Variants in HOOK2 observed in about 807,000 individuals in gnomAD.
HOOK2 encodes the protein hook microtubule tethering protein 2, also known as protein Hook homolog 2.
Under a neutral mutation model 111.9 loss-of-function variants are expected in HOOK2, and 108 were observed. The observed-to-expected ratio is 0.96, with a 90% CI of 0.83 to 1.13. The LOEUF (loss-of-function observed/expected upper bound fraction) is 1.13, where lower values mean the gene tolerates loss of function less well. Among genes scored for constraint, HOOK2 ranks in the 50% most tolerant of loss-of-function variants. The pLI is 0.00. For synonymous variants in HOOK2, 405 were observed against 394.3 expected, an observed-to-expected ratio of 1.03 and a Z score of -0.32; for missense variants, 978 against 951.3, an observed-to-expected ratio of 1.03 and a Z score of -0.37.
At chr19:12,785,512 A>G (rs906327921) in intron 3 of HOOK2, among the ~76,000 whole-genome samples, 2 of 152,084 alleles carry the variant, frequency 1.3e-5, no homozygotes, top group Admixed American at 6.6e-5. Flanking sequence ...CAAGTTAGCC[A>G]TAGGAACTTT....
rs759233398 is a variant in HOOK2 at position 12,768,105 on chromosome 19, G to A, written c.1123C>T (p.Gln375Ter). 3.7e-6 allele frequency: 6 copies of A among 1,614,168 alleles called. No individual in the cohort carries two copies. The highest frequency in any genetic ancestry group is 1.3e-5 in the African/African-American group (1 of 75,072). Residue 375 changes from glutamine (Q) to a stop codon, truncating the protein, a stop_gained, in exon 12 of 23, where the codon CAG (glutamine) becomes TAG (stop). Transcript: ENST00000397668. LOFTEE classifies it high-confidence loss of function. The part of the protein sequence containing the change: ...QRRQVQELQG[Q>*]RQEEAMKAEK... Reference sequence around the variant, plus strand: ...GCCTTCATGGCCTCCTCCTGCCGCTGGCCCTGCAGTTCCTGCACCTGAACA... The same window carrying A: ...GCCTTCATGGCCTCCTCCTGCCGCTAGCCCTGCAGTTCCTGCACCTGAACA...
chr19:12,772,561 G>A lies in HOOK2; in HGVS notation c.456+52C>T. 3.8e-6 allele frequency: 6 copies of A among 1,587,334 alleles called. No homozygotes were observed. The South Asian group carries it at 6.7e-5, about 18-fold the overall frequency. On this transcript the variant is annotated intron_variant, in intron 6 of 22. Transcript: ENST00000397668. ...TGTGCCCAGTTCTCTCTGCCCTAGAGATGTCCCCTCTCCTGACATTTTCCA... is the reference window on the plus strand; with the variant it reads ...TGTGCCCAGTTCTCTCTGCCCTAGAAATGTCCCCTCTCCTGACATTTTCCA...
At chr19:12,773,516 G>A (rs1440857109) in intron 3 of HOOK2, among the ~76,000 whole-genome samples, 3 of 151,882 alleles carry the variant, frequency 2.0e-5, no homozygotes, top group African/African-American at 7.3e-5. Flanking sequence ...AAAATTGCTG[G>A]GATTACAGGC....
upstream of HOOK2, among the ~76,000 whole-genome samples, chr19:12,780,327 C>T (rs79612084): frequency 2.6e-3 from 393 of 152,174 alleles, 2 homozygotes; most frequent in African/African-American, 9.2e-3. Context: ...TATGGGACCT[C>T]ACTTTGGGTC....
At position 12,769,889 on chromosome 19, in the gene HOOK2, G is replaced by T. The variant is rs114441181; in HGVS notation, c.1096C>A (p.Arg366=). 3,328 of 1,465,336 alleles carry T rather than the reference G, an allele frequency of 2.3e-3. 71 individuals are homozygous for T. In the African/African-American group the frequency reaches 0.043, roughly 19 times the overall value. 90.8% of individuals were successfully genotyped at this position (1,465,336 alleles called of 1,614,324 possible). ...GSLRAQLEAQ[R]RQVQELQGQR... ...CCCCGCCCCCGCCGCACCTGCCGCC[G>T]CTGCGCCTCCAGCTGGGCGCGCAGG... is the stretch of plus-strand genomic sequence containing the variant. The change falls in exon 11 of 23, where the codon CGG becomes AGG. Residue 366 remains arginine (R), a synonymous_variant. Transcript: ENST00000397668.
chr19:12,774,690 T>C lies in HOOK2; in HGVS notation c.183A>G (p.Pro61=). Residue 61 remains proline, a synonymous_variant, in exon 3 of 23, where the codon CCA becomes CCG. Coordinates refer to ENST00000397668, the MANE Select transcript of HOOK2 (RefSeq NM_013312.3). The part of the protein sequence containing the change: ...EAWLQGISED[P]GPNWKLKVSN... The stretch of plus-strand genomic sequence containing the variant: ...TCACCTTCAGCTTCCAGTTGGGACC[T>C]GGATCTTCCGAGATGCCCTGGAGCC... 1.9e-6 allele frequency: 3 copies of C among 1,614,144 alleles called. No homozygotes were observed. The highest frequency in any genetic ancestry group is 2.5e-6 in the Non-Finnish European group (3 of 1,180,006).
chr19:12,763,545 T>A lies in HOOK2; in HGVS notation c.1993A>T (p.Ser665Cys), dbSNP rs1222806191. Residue 665 changes from serine to cysteine, a missense_variant, in exon 22 of 23, where the codon AGT becomes TGT. By Grantham distance (112) the Ser-to-Cys change is moderately radical. Coordinates refer to ENST00000397668, the MANE Select transcript of HOOK2 (RefSeq NM_013312.3). ...QREQEEKLLI[S>C]AWYNMGMALQ... ...ACACTTACCATATTATACCAGGCACTGATGAGCAGCTTTTCTTCCTGCTCC... is the reference window on the plus strand; with the variant it reads ...ACACTTACCATATTATACCAGGCACAGATGAGCAGCTTTTCTTCCTGCTCC... 1 of 1,614,238 alleles carries A rather than the reference T, an allele frequency of 6.2e-7. No individual in the cohort carries two copies. Among genetic ancestry groups the A allele is most frequent in the Non-Finnish European group, 8.5e-7 (1 of 1,180,042 alleles).
rs1968107496 is a variant in HOOK2, at chr19:12,765,025, T to G, written c.1697A>C (p.Glu566Ala). 13 of 1,614,028 alleles carry G rather than the reference T, an allele frequency of 8.1e-6. No homozygotes were observed. Among genetic ancestry groups the G allele is most frequent in the Non-Finnish European group, 1.1e-5 (13 of 1,180,024 alleles). Residue 566 changes from glutamate to alanine, a missense_variant, in exon 19 of 23, where the codon GAG becomes GCG. By Grantham distance (107) the Glu-to-Ala change is moderately radical. Around this residue, in one of 5 missense-constraint regions of HOOK2, gnomAD observed 277 missense variants for 265.8 expected, o/e 1.04. Transcript: ENST00000397668. Reference protein sequence around the residue: ...ELQRKREYIEELEPPTDSSTA... With the variant: ...ELQRKREYIEALEPPTDSSTA... ...GCTGCTGTCAGTGGGTGGCTCCAGC[T>G]CCTCAATGTACTCCCGCTTCCTCTG...
At position 12,791,774 on chromosome 19, in the gene HOOK2, G is replaced by A. The variant is rs750284652; in HGVS notation, n.42-17549C>T. The A allele has an allele frequency of 1.2e-6, 2 of 1,602,916 alleles. No individual in the cohort carries two copies. The highest frequency in any genetic ancestry group is 1.7e-6 in the Non-Finnish European group (2 of 1,172,330). ...CCCAGACCGCCTGGGCCGCCCGGAT[G>A]TGCACTAAAATGGAACAGCCCTTCT... On this transcript the variant is annotated intron_variant and non_coding_transcript_variant, in intron 3 of 3. Transcript: ENST00000589765. The surrounding 1 kb of genome is among the most constrained non-coding windows in gnomAD (Gnocchi z 7.0).
chr19:12,791,957 C>A lies in HOOK2; in HGVS notation n.42-17732G>T. The A allele has an allele frequency of 1.2e-6, 2 of 1,610,806 alleles. No homozygotes were observed. The highest frequency in any genetic ancestry group is 1.7e-6 in the Non-Finnish European group (2 of 1,179,236). On this transcript the variant is annotated intron_variant and non_coding_transcript_variant, in intron 3 of 3. Transcript: ENST00000589765. The surrounding 1 kb of genome is among the most constrained non-coding windows in gnomAD (Gnocchi z 7.0). ...GGGCTCGCGGACCCGGCCCAGAGGG[C>A]GGCGGTGGCGGCAGCTACTTTTCTG...
At chr19:12,780,420 G>A (rs1246306888), upstream of HOOK2, among the ~76,000 whole-genome samples, 2 of 151,446 alleles carry the variant, frequency 1.3e-5, no homozygotes, top group Non-Finnish European at 1.5e-5. Context: ...GCAGTGGAGC[G>A]ATCTCGGTTC....
upstream of HOOK2, among the ~76,000 whole-genome samples, chr19:12,777,925 A>G (rs1968558372): frequency 6.6e-6 from 1 of 152,248 alleles, no homozygotes; most frequent in African/African-American, 2.4e-5. Context: ...TTAAATACAT[A>G]GACTATTGAA....
upstream of HOOK2, among the ~76,000 whole-genome samples, chr19:12,777,586 T>A (rs1479067198): frequency 6.6e-6 from 1 of 152,208 alleles, no homozygotes; most frequent in African/African-American, 2.4e-5. Flanking sequence ...TAGACACACA[T>A]GTCCTGGCTG....
chr19:12,767,596 C>A, intron 13 of HOOK2, 132 bp from the exon 14 acceptor site: 1 of 906,516 alleles, frequency 1.1e-6, no homozygotes. Context: ...GCTCCATCCC[C>A]GGCTTGATAG....
At position 12,775,402 on chromosome 19, in the gene HOOK2, T is replaced by C; in HGVS notation, c.45+3A>G. 6.2e-7 allele frequency: 1 copy of C among 1,611,762 alleles called. No individual in the cohort carries two copies. Among genetic ancestry groups the C allele is most frequent in the Non-Finnish European group, 8.5e-7 (1 of 1,179,256 alleles). On this transcript the variant is annotated splice_donor_region_variant and intron_variant, in intron 1 of 22. Coordinates refer to ENST00000397668, the MANE Select transcript of HOOK2 (RefSeq NM_013312.3). Reference sequence around the variant, plus strand: ...CTTCCCCTAGCCCCGCCCCACGACCTACCCAGGTGAGCAGAGACCCGCATA... The same window carrying C: ...CTTCCCCTAGCCCCGCCCCACGACCCACCCAGGTGAGCAGAGACCCGCATA...
upstream of HOOK2, among the ~76,000 whole-genome samples, chr19:12,781,038 C>T (rs1457600468): frequency 3.5e-5 from 5 of 143,758 alleles, no homozygotes; most frequent in Non-Finnish European, 7.6e-5. Context: ...CGCGGTGGCT[C>T]ACGCAGGTAA....
At position 12,765,080 on chromosome 19, in the gene HOOK2, G is replaced by C. The variant is rs753774177; in HGVS notation, c.1642C>G (p.Gln548Glu). ...LLKRKLEEHL[Q>E]KLHEADLELQ... ...TCCAGATCTGCCTCATGAAGCTTCT[G>C]CCTGTGGGCCGGGGATGAGCAGCAG... Residue 548 changes from glutamine to glutamate, a missense_variant and splice_region_variant, in exon 19 of 23, where the codon CAG becomes GAG. Transcript: ENST00000397668. The C allele has an allele frequency of 6.2e-7, 1 of 1,614,110 alleles. No homozygotes were observed. Among genetic ancestry groups the C allele is most frequent in the Non-Finnish European group, 8.5e-7 (1 of 1,180,012 alleles).
Position 12,768,069 on chromosome 19 carries a change from G to C in HOOK2, c.1159C>G (p.Leu387Val). Residue 387 changes from leucine (L) to valine (V), a missense_variant, in exon 12 of 23, where the codon CTA becomes GTA. Physicochemically the swap from Leu to Val is conservative, Grantham distance 32 (BLOSUM62 1). Around this residue, in one of 5 missense-constraint regions of HOOK2, gnomAD observed 388 missense variants for 358.3 expected, o/e 1.08. Transcript: ENST00000397668. ...TCCTCCAGGTTGCGGCATTCAAATA[G>C]CCATTTCTCGGCCTTCATGGCCTCC... ...QEEAMKAEKW[L>V]FECRNLEEKY... 6.2e-7 allele frequency: 1 copy of C among 1,614,238 alleles called. No homozygotes were observed. Among genetic ancestry groups the C allele is most frequent in the East Asian group, 2.2e-5 (1 of 44,880 alleles).
In HOOK2 at chr19:12,763,138, C is replaced by CAACCA; in HGVS notation, c.*143_*144insTGGTT. The stretch of plus-strand genomic sequence containing the variant: ...GGCCTATATCTACCTCCCGCCCTCC[C>CAACCA]TCCCCACCAATCTGGGAGAGGGAAG... On this transcript the variant is annotated 3_prime_UTR_variant, in exon 23 of 23. Coordinates refer to ENST00000397668, the MANE Select transcript of HOOK2 (RefSeq NM_013312.3). The CAACCA allele has an allele frequency of 6.0e-6, 4 of 670,146 alleles. No homozygotes were observed. Among genetic ancestry groups the CAACCA allele is most frequent in the African/African-American group, 3.7e-5 (2 of 54,302 alleles). 41.5% of individuals were successfully genotyped at this position (670,146 alleles called of 1,614,324 possible). A position where few individuals can be genotyped will look rare whatever the true frequency, so the allele number is the denominator to read the frequency against.
Sources: gnomAD v4.1 joint callset for allele counts (sites outside exome capture counted in the v4.1 genomes callset) on GRCh38, gnomAD v4.1.1 for gene constraint, gnomAD v4.1.1 regional missense constraint, Gnocchi (gnomAD v3.1) non-coding constraint, MANE v1.5 for transcripts, NCBI Gene and HGNC (gene_info 2026-07-23, HGNC 2026-07-21) for gene names.